Variants in COG5 observed in about 807,000 individuals in gnomAD.
The protein encoded by COG5 is component of oligomeric golgi complex 5.
In COG5, 86 loss-of-function variants were observed where a neutral mutation model predicts 110.4. The observed-to-expected ratio is 0.78, with a 90% CI of 0.65 to 0.93. COG5 has a LOEUF of 0.93. Ranked by LOEUF, COG5 falls within the 40% of genes least tolerant of loss-of-function variation. The pLI is 0.00. For missense variants in COG5, 1,077 were observed against 987.0 expected, an observed-to-expected ratio of 1.09 and a Z score of -1.22; for synonymous variants, 360 against 334.6, an observed-to-expected ratio of 1.08 and a Z score of -0.83.
rs1802925730 is a variant in COG5 at position 107,256,883 on chromosome 7, C to T, written c.1687-89G>A. On this transcript the variant is annotated intron_variant, in intron 15 of 21. Coordinates refer to ENST00000297135, the MANE Select transcript of COG5 (RefSeq NM_006348.5). ...GATCATAGCATAATAAAGCTGTTTCCACAAAGTATATATACAATATTATCA... is the reference window on the plus strand; with the variant it reads ...GATCATAGCATAATAAAGCTGTTTCTACAAAGTATATATACAATATTATCA... The T allele has an allele frequency of 4.6e-6, 4 of 862,848 alleles. No individual in the cohort carries two copies. The Admixed American group carries it at 5.7e-5, about 12-fold the overall frequency. The allele number at this position is 862,848 out of a possible 1,614,324, so 53.4% of individuals were successfully genotyped here. A position where few individuals can be genotyped will look rare whatever the true frequency, so the allele number is the denominator to read the frequency against.
chr7:107,370,515 G>T (rs1814043376), intron 8 of COG5, among the ~76,000 whole-genome samples: 1 of 151,958 alleles, frequency 6.6e-6, no homozygotes, highest in Non-Finnish European at 1.5e-5. Flanking sequence ...GCTGGGCGCG[G>T]TGGCTCACGC....
chr7:107,230,360 C>T (rs965641776), intron 19 of COG5, among the ~76,000 whole-genome samples: 1 of 151,960 alleles, frequency 6.6e-6, no homozygotes, highest in Non-Finnish European at 1.5e-5. Context: ...AAATTCTCCC[C>T]AAGAAAAGCA....
chr7:107,330,135 T>C (rs918522951), intron 10 of COG5, among the ~76,000 whole-genome samples: 1 of 152,246 alleles, frequency 6.6e-6, no homozygotes, highest in African/African-American at 2.4e-5. Context: ...ACTCCCAGTA[T>C]GTCTTACATT....
At chr7:107,250,375 G>A (rs894303910) in intron 16 of COG5, among the ~76,000 whole-genome samples, 1 of 151,756 alleles carries the variant, frequency 6.6e-6, no homozygotes, top group Admixed American at 6.6e-5. Flanking sequence ...AGGTATGACA[G>A]TACACAGTTT....
intron 6 of COG5, among the ~76,000 whole-genome samples, chr7:107,458,408 A>C (rs2129098989): frequency 6.6e-6 from 1 of 152,376 alleles, no homozygotes; most frequent in South Asian, 2.1e-4. Context: ...AGTAAAAAAC[A>C]GCAGAAAAGA....
chr7:107,466,523 C>A (rs1390926207), intron 6 of COG5, among the ~76,000 whole-genome samples: 6 of 152,138 alleles, frequency 3.9e-5, no homozygotes, highest in African/African-American at 1.4e-4. Context: ...GATGCATGTG[C>A]TTTATCAAAT....
At chr7:107,514,163 T>G (rs1340970576) in intron 6 of COG5, among the ~76,000 whole-genome samples, 2 of 152,066 alleles carry the variant, frequency 1.3e-5, no homozygotes, top group Non-Finnish European at 2.9e-5. Context: ...GCGATTAAAA[T>G]TAGTAGAGGA....
chr7:107,561,919 T>C (rs971200936), intron 1 of COG5, among the ~76,000 whole-genome samples: 2 of 151,166 alleles, frequency 1.3e-5, no homozygotes, highest in African/African-American at 4.9e-5. Context: ...GAGCTTGCAG[T>C]GAGCCGAGAC....
At chr7:107,471,250 T>C (rs941148366) in intron 6 of COG5, 4 of 152,126 alleles carry the variant, frequency 2.6e-5, no homozygotes, top group African/African-American at 9.6e-5. Flanking sequence ...GCTCTAATAA[T>C]AACAGTTTGG....
In COG5 at chr7:107,439,583, C is replaced by A. The variant is rs1008600036; in HGVS notation, c.539-26951G>T. Among the ~76,000 whole-genome samples the A allele has an allele frequency of 2.6e-5, 4 of 151,782 alleles. No homozygotes were observed. The South Asian group carries it at 8.3e-4, about 32-fold the overall frequency. ...ATTGATCTTATTTCCATAAATTTGG[C>A]TAAATTTTATTAATTATATTTCTTA... On this transcript the variant is annotated intron_variant, in intron 6 of 21. Transcript: ENST00000297135.
intron 10 of COG5, among the ~76,000 whole-genome samples, chr7:107,340,077 A>C (rs1811048918): frequency 6.6e-6 from 1 of 152,114 alleles, no homozygotes; most frequent in Non-Finnish European, 1.5e-5. Context: ...GAATTAATAA[A>C]ACCAAAAATT....
chr7:107,393,017 C>T (rs1790737156), intron 7 of COG5, among the ~76,000 whole-genome samples: 1 of 152,144 alleles, frequency 6.6e-6, no homozygotes, highest in South Asian at 2.1e-4. Flanking sequence ...TGGTTTTAAG[C>T]AAGCAGAGAA....
chr7:107,212,153 C>T (rs1183107833), intron 19 of COG5, among the ~76,000 whole-genome samples: 4 of 152,150 alleles, frequency 2.6e-5, no homozygotes, highest in Non-Finnish European at 4.4e-5. Flanking sequence ...ATAGCTGGTT[C>T]TCATTAGATA....
At chr7:107,219,446 A>G (rs1040014168) in intron 19 of COG5, among the ~76,000 whole-genome samples, 3 of 152,224 alleles carry the variant, frequency 2.0e-5, no homozygotes, top group Non-Finnish European at 4.4e-5. Context: ...GTGTCTATCA[A>G]TGGATGAGTA....
intron 6 of COG5, among the ~76,000 whole-genome samples, chr7:107,502,349 C>T (rs796280808): frequency 8.5e-5 from 13 of 152,134 alleles, no homozygotes; most frequent in African/African-American, 3.1e-4. Context: ...TACTTCATTC[C>T]TTTTTATGGC....
chr7:107,443,210 A>C (rs1371859411), intron 6 of COG5, among the ~76,000 whole-genome samples: 1 of 152,160 alleles, frequency 6.6e-6, no homozygotes, highest in Non-Finnish European at 1.5e-5. Context: ...CTACAATGTG[A>C]AAGAACCCTG....
intron 6 of COG5, among the ~76,000 whole-genome samples, chr7:107,512,092 T>A (rs370598467): frequency 8.0e-4 from 122 of 152,180 alleles, no homozygotes; most frequent in African/African-American, 2.8e-3. Flanking sequence ...ATTAGGAAAA[T>A]AGGAAGCCAA....
chr7:107,213,499 C>G (rs1197544936), intron 19 of COG5, among the ~76,000 whole-genome samples: 1 of 152,176 alleles, frequency 6.6e-6, no homozygotes, highest in African/African-American at 2.4e-5. Context: ...ACTGCATAAC[C>G]CAAATAGCAA....
chr7:107,267,839 TG>T (rs1345314754), intron 14 of COG5, among the ~76,000 whole-genome samples: 1 of 152,184 alleles, frequency 6.6e-6, no homozygotes, highest in Non-Finnish European at 1.5e-5. Flanking sequence ...GAGGATCACT[TG>T]AGGCCAGGAG....
Sources: allele counts gnomAD v4.1 joint callset (sites outside exome capture counted in the v4.1 genomes callset), GRCh38; gene constraint gnomAD v4.1.1; transcripts MANE v1.5; gene names NCBI Gene and HGNC (gene_info 2026-07-23, HGNC 2026-07-21).